The following SCN7A variants were observed in gnomAD, a reference collection of about 807,000 sequenced individuals.
SCN7A encodes the protein sodium voltage-gated channel alpha subunit 7, also known as sodium channel protein type 7 subunit alpha.
A neutral mutation model predicts 155.2 loss-of-function variants in SCN7A; 138 were observed. The observed-to-expected ratio is 0.89, with a 90% CI of 0.77 to 1.02. The LOEUF (loss-of-function observed/expected upper bound fraction) is 1.02. Ranked by LOEUF, SCN7A falls within the 50% of genes least tolerant of loss-of-function variation. SCN7A has a pLI of 0.00. For missense variants in SCN7A, 2,058 were observed against 1,986.6 expected (o/e 1.04, Z -0.68); for synonymous variants, 693 against 649.0 (o/e 1.07, Z -1.03).
chr2:166,484,972 A>C (rs1292825424), intron 2 of SCN7A, among the ~76,000 whole-genome samples: 1 of 152,156 alleles, frequency 6.6e-6, no homozygotes, highest in Non-Finnish European at 1.5e-5. Flanking sequence ...ATAAGTACCC[A>C]AAACTGGGAA....
At chr2:166,455,773 G>A (rs111781767) in intron 11 of SCN7A, among the ~76,000 whole-genome samples, 20,321 of 151,982 alleles carry the variant, frequency 0.13, 1,386 homozygotes, top group East Asian at 0.21. Flanking sequence ...GAATTTTATC[G>A]AAGGCCCTTT....
intron 3 of SCN7A, among the ~76,000 whole-genome samples, chr2:166,477,054 A>G (rs1702814863): frequency 6.6e-6 from 1 of 152,042 alleles, no homozygotes; most frequent in African/African-American, 2.4e-5. Context: ...TAAATAACAT[A>G]CGGGTTGTAT....
chr2:166,469,856 T>G lies in SCN7A; in HGVS notation c.664+759A>C, dbSNP rs140031563. 5.4e-4 allele frequency among the ~76,000 whole-genome samples: 82 copies of G among 152,020 alleles called. No homozygotes were observed. In the East Asian group the frequency reaches 0.013, roughly 23 times the overall value. On this transcript the variant is annotated intron_variant, in intron 7 of 25. Transcript: ENST00000643258. ...TTCACAAGCCCCACAATTCAATAGC[T>G]TAATGTGTACAATGTGGTCTTCTTT...
intron 17 of SCN7A, 130 bp from the exon 18 acceptor site, chr2:166,428,072 A>G: frequency 4.0e-6 from 4 of 999,058 alleles, no homozygotes; most frequent in Non-Finnish European, 5.8e-6. Flanking sequence ...TCTGATTTAT[A>G]AACATTTAAT....
At chr2:166,423,001 G>A (rs1701542494) in intron 19 of SCN7A, among the ~76,000 whole-genome samples, 1 of 152,064 alleles carries the variant, frequency 6.6e-6, no homozygotes, top group African/African-American at 2.4e-5. Context: ...AAGATACTGT[G>A]CAACAAACTT....
rs1225739496 is a variant in SCN7A, at chr2:166,406,081, C to T, written c.4548G>A (p.Arg1516=). The T allele has an allele frequency of 1.2e-6, 2 of 1,612,388 alleles. No individual in the cohort carries two copies. Among genetic ancestry groups the T allele is most frequent in the South Asian group, 1.1e-5 (1 of 91,046 alleles). Residue 1516 remains arginine, a synonymous_variant, in exon 26 of 26, where the codon AGG becomes AGA. Coordinates refer to ENST00000643258, the MANE Select transcript of SCN7A (RefSeq NM_002976.4). Reference sequence around the variant, plus strand: ...ACCTTTTCCATACCTGAAAGAATTTCCTAAAATCATCTTCACTCAAGGTCT... The same window carrying T: ...ACCTTTTCCATACCTGAAAGAATTTTCTAAAATCATCTTCACTCAAGGTCT... ...KNKTLSEDDF[R]KFFQVWKRFD...
Position 166,444,691 on chromosome 2 carries a change from T to C in SCN7A, c.1626+71A>G, listed in dbSNP as rs572851780. On this transcript the variant is annotated intron_variant, in intron 13 of 25. Coordinates refer to ENST00000643258, the MANE Select transcript of SCN7A (RefSeq NM_002976.4). ...TTACAGAATAAAATAATGGGAATAA[T>C]GATGAACAAAGAAAAGTTCAATGAT... 725 of 828,572 alleles carry C rather than the reference T, an allele frequency of 8.7e-4. 11 individuals are homozygous for C. The highest frequency in any genetic ancestry group is 7.4e-3 in the South Asian group (413 of 55,986). The allele number at this position is 828,572 out of a possible 1,614,324, so 51.3% of individuals were successfully genotyped here.
chr2:166,439,211 C>T (rs976024825), intron 15 of SCN7A, among the ~76,000 whole-genome samples: 1 of 151,750 alleles, frequency 6.6e-6, no homozygotes, highest in Admixed American at 6.6e-5. Context: ...CACTTATCCT[C>T]TTATTAGTCA....
At chr2:166,464,502 C>A (rs1441098586) in intron 9 of SCN7A, among the ~76,000 whole-genome samples, 2 of 152,136 alleles carry the variant, frequency 1.3e-5, no homozygotes, top group African/African-American at 4.8e-5. Context: ...GTTATGTCAT[C>A]TCACTTAAGA....
chr2:166,427,084 G>A (rs562699669), intron 18 of SCN7A, among the ~76,000 whole-genome samples: 2 of 151,822 alleles, frequency 1.3e-5, no homozygotes, highest in African/African-American at 2.4e-5. Context: ...ATTCTACACC[G>A]TTCTTTTTCC....
At position 166,477,655 on chromosome 2, in the gene SCN7A, A is replaced by G; in HGVS notation, c.42T>C (p.Thr14=). The G allele has an allele frequency of 6.2e-7, 1 of 1,606,152 alleles. No homozygotes were observed. The highest frequency in any genetic ancestry group is 2.2e-5 in the East Asian group (1 of 44,674). The part of the protein sequence containing the change: ...SPEPKGLVPF[T]KESFELIKQH... ...GTTTTATAAGTTCAAAAGACTCTTT[A>G]GTGAAGGGAACAAGGCCCTTAGGTT... Residue 14 remains threonine, a synonymous_variant, in exon 3 of 26, where the codon ACT becomes ACC. Transcript: ENST00000643258.
At position 166,443,536 on chromosome 2, in the gene SCN7A, A is replaced by C; in HGVS notation, c.1767T>G (p.Val589=). 12 of 1,595,764 alleles carry C rather than the reference A, an allele frequency of 7.5e-6. No homozygotes were observed. Among genetic ancestry groups the C allele is most frequent in the Non-Finnish European group, 9.4e-6 (11 of 1,171,528 alleles). The change falls in exon 14 of 26, where the codon GTT becomes GTG. Residue 589 remains valine, a synonymous_variant. Transcript: ENST00000643258. ...ATAATCGAAGAAGAGCCATTCCTGC[A>C]ACATTTGCTAGACAAAGTTCTATTA... ...HGLIELCLAN[V]AGMALLRLFR...
chr2:166,422,743 G>A (rs1701537042), intron 19 of SCN7A, among the ~76,000 whole-genome samples: 1 of 152,174 alleles, frequency 6.6e-6, no homozygotes, highest in South Asian at 2.1e-4. Context: ...AAGGTTTCAA[G>A]AGAAGTGACA....
chr2:166,461,048 CTTTTTTTTT>C (rs34717897), intron 10 of SCN7A, among the ~76,000 whole-genome samples: 6 of 96,704 alleles, frequency 6.2e-5, no homozygotes, highest in Admixed American at 1.2e-4. Context: ...GTAATATTTT[CTTTTTTTTT>C]TTTTTTTTTT....
At position 166,482,763 on chromosome 2, in the gene SCN7A, C is replaced by CAA. The variant is rs34623846; in HGVS notation, c.-15+4091_-15+4092dup. On this transcript the variant is annotated intron_variant, in intron 2 of 25. Coordinates refer to ENST00000643258, the MANE Select transcript of SCN7A (RefSeq NM_002976.4). ...GCAGGCATTGCCTTCTGCGATACTG[C>CAA]AAAAAAAAAAAAATGCAAGCACTTA... 3.9e-3 allele frequency among the ~76,000 whole-genome samples: 560 copies of CAA among 142,600 alleles called. 1 individual carries two copies. The highest frequency in any genetic ancestry group is 0.011 in the African/African-American group (446 of 39,354). The allele number at this position is 142,600 out of a possible 152,430, so 93.6% of individuals were successfully genotyped here.
chr2:166,407,942 A>G (rs747631998), intron 25 of SCN7A, among the ~76,000 whole-genome samples: 12 of 151,220 alleles, frequency 7.9e-5, no homozygotes, highest in Non-Finnish European at 1.8e-4. Flanking sequence ...TCATTGTTCA[A>G]CTCCCACTTA....
chr2:166,457,702 T>C (rs1303333360), intron 10 of SCN7A, among the ~76,000 whole-genome samples: 1 of 152,162 alleles, frequency 6.6e-6, no homozygotes, highest in Non-Finnish European at 1.5e-5. Flanking sequence ...AAATACAACA[T>C]TTTAGATTGC....
At position 166,477,588 on chromosome 2, in the gene SCN7A, C is replaced by G; in HGVS notation, c.109G>C (p.Asp37His). 1 of 1,591,530 alleles carries G rather than the reference C, an allele frequency of 6.3e-7. No individual in the cohort carries two copies. Among genetic ancestry groups the G allele is most frequent in the Non-Finnish European group, 8.6e-7 (1 of 1,167,150 alleles). Residue 37 changes from aspartate (D) to histidine (H), a missense_variant, in exon 3 of 26, where the codon GAC (aspartate) becomes CAC (histidine). Physicochemically the swap from Asp to His is moderately conservative, Grantham distance 81. Transcript: ENST00000643258. ...KTHNEDHEEE[D>H]LKPTPDLEVG... ...TCCAAATCAGGAGTTGGCTTTAAGT[C>G]TTCTTCTTCATGGTCTTCATTATGT... is the stretch of plus-strand genomic sequence containing the variant.
At chr2:166,472,706 T>C (rs1702686629) in intron 5 of SCN7A, among the ~76,000 whole-genome samples, 2 of 151,882 alleles carry the variant, frequency 1.3e-5, no homozygotes, top group South Asian at 4.1e-4. Context: ...GTAGGCTGTG[T>C]CTTATAGCAT....
Sources: gnomAD v4.1 joint callset for allele counts (sites outside exome capture counted in the v4.1 genomes callset) on GRCh38, gnomAD v4.1.1 for gene constraint, MANE v1.5 for transcripts, NCBI Gene and HGNC (gene_info 2026-07-23, HGNC 2026-07-21) for gene names.